SLC9A9: variants seen among roughly 807,000 people sequenced by gnomAD.
The protein encoded by SLC9A9 is sodium/hydrogen exchanger 9.
Under a neutral mutation model 77.8 loss-of-function variants are expected in SLC9A9, and 62 were observed. The observed-to-expected ratio is 0.80, with a 90% CI of 0.65 to 0.98. The LOEUF is 0.98. Among genes scored for constraint, SLC9A9 ranks in the 50% least tolerant of loss-of-function variants. SLC9A9 has a pLI of 0.00. For synonymous variants in SLC9A9, 320 were observed against 283.5 expected, an observed-to-expected ratio of 1.13 and a Z score of -1.29; for missense variants, 775 against 774.9, an observed-to-expected ratio of 1.00 and a Z score of 0.00.
intron 14 of SLC9A9, among the ~76,000 whole-genome samples, chr3:143,324,713 T>C (rs1052602955): frequency 4.6e-5 from 7 of 152,108 alleles, no homozygotes; most frequent in African/African-American, 4.8e-5. Context: ...TTCCAGCTAC[T>C]TGGGAGGCTG....
chr3:143,589,494 T>C (rs2037612882), intron 6 of SLC9A9, among the ~76,000 whole-genome samples: 1 of 152,206 alleles, frequency 6.6e-6, no homozygotes, highest in South Asian at 2.1e-4. Flanking sequence ...CATTGGGTTA[T>C]AACTGCCTAC....
At chr3:143,534,893 A>C (rs2036568490) in intron 9 of SLC9A9, among the ~76,000 whole-genome samples, 1 of 152,032 alleles carries the variant, frequency 6.6e-6, no homozygotes. Flanking sequence ...TTTAGAAAAA[A>C]CCTTAAAAAC....
intron 4 of SLC9A9, among the ~76,000 whole-genome samples, chr3:143,787,795 A>G (rs2008098065): frequency 6.6e-6 from 1 of 151,884 alleles, no homozygotes; most frequent in Non-Finnish European, 1.5e-5. Flanking sequence ...CGTAAGAAAA[A>G]TACTTAGAAA....
At position 143,523,020 on chromosome 3, in the gene SLC9A9, A is replaced by G. The variant is rs538892195; in HGVS notation, c.1090-27572T>C. Among the ~76,000 whole-genome samples the G allele has an allele frequency of 2.6e-5, 4 of 152,122 alleles. No individual in the cohort carries two copies. The East Asian group carries it at 7.7e-4, about 29-fold the overall frequency. ...TCATTTGGGTCCCAGGTCATTGCTT[A>G]TTTTCATATGGGGACTATATAACAG... On this transcript the variant is annotated intron_variant, in intron 9 of 15. Coordinates refer to ENST00000316549, the MANE Select transcript of SLC9A9 (RefSeq NM_173653.4).
chr3:143,752,088 T>G (rs1195942645), intron 4 of SLC9A9, among the ~76,000 whole-genome samples: 2 of 152,218 alleles, frequency 1.3e-5, no homozygotes, highest in African/African-American at 4.8e-5. Flanking sequence ...GTAGACTTAC[T>G]TCAAAGTGAT....
intron 12 of SLC9A9, among the ~76,000 whole-genome samples, chr3:143,391,848 T>C (rs1009161694): frequency 6.6e-6 from 1 of 152,108 alleles, no homozygotes. Flanking sequence ...AGAAAAGGTA[T>C]CAGTGATTGA....
intron 4 of SLC9A9, among the ~76,000 whole-genome samples, chr3:143,773,229 G>A (rs6782246): frequency 0.01 from 1,577 of 152,182 alleles, 22 homozygotes; most frequent in African/African-American, 0.036. Flanking sequence ...AATGTCCATG[G>A]AGTAAGTACT....
intron 4 of SLC9A9, among the ~76,000 whole-genome samples, chr3:143,734,862 ATCTAC>A (rs1934900287): frequency 6.6e-6 from 1 of 152,134 alleles, no homozygotes. Flanking sequence ...TGTTTATTCT[ATCTAC>A]TCTTCCTCTC....
chr3:143,719,804 C>T (rs1934450223), intron 4 of SLC9A9, among the ~76,000 whole-genome samples: 1 of 152,080 alleles, frequency 6.6e-6, no homozygotes, highest in Admixed American at 6.6e-5. Context: ...ATTCATCAAC[C>T]CATATGCAGA....
intron 12 of SLC9A9, among the ~76,000 whole-genome samples, chr3:143,398,406 C>G (rs775584356): frequency 8.6e-5 from 13 of 151,970 alleles, no homozygotes; most frequent in Non-Finnish European, 1.3e-4. Context: ...CACCATGAAG[C>G]GTGGAAGGCA....
chr3:143,792,825 G>A (rs71307955), intron 4 of SLC9A9, among the ~76,000 whole-genome samples: 11 of 151,940 alleles, frequency 7.2e-5, no homozygotes, highest in East Asian at 1.9e-4. Context: ...TCTGGCCTAC[G>A]TAAATTACCT....
At chr3:143,461,238 A>G (rs2035185635) in intron 12 of SLC9A9, among the ~76,000 whole-genome samples, 1 of 152,170 alleles carries the variant, frequency 6.6e-6, no homozygotes, top group Admixed American at 6.5e-5. Flanking sequence ...TTTTGTGAGC[A>G]TTTTTCTTTA....
chr3:143,311,970 TG>T (rs1324412487), intron 14 of SLC9A9, among the ~76,000 whole-genome samples: 2 of 152,266 alleles, frequency 1.3e-5, no homozygotes, highest in Non-Finnish European at 2.9e-5. Context: ...GTTAGATTTT[TG>T]TGAGATAGAA....
At chr3:143,657,277 C>T (rs2038906644) in intron 5 of SLC9A9, among the ~76,000 whole-genome samples, 1 of 152,156 alleles carries the variant, frequency 6.6e-6, no homozygotes, top group Admixed American at 6.5e-5. Flanking sequence ...TTTTAAGTTA[C>T]ACAAAACATC....
chr3:143,277,241 C>G (rs1248297169), intron 14 of SLC9A9, among the ~76,000 whole-genome samples: 1 of 152,210 alleles, frequency 6.6e-6, no homozygotes, highest in Non-Finnish European at 1.5e-5. Context: ...TTCATCTGAT[C>G]TATATCCTTG....
chr3:143,844,961 A>C (rs1201179630), intron 1 of SLC9A9, among the ~76,000 whole-genome samples: 1 of 151,966 alleles, frequency 6.6e-6, no homozygotes, highest in Admixed American at 6.6e-5. Flanking sequence ...CTTTAATGGA[A>C]AGGGGGATAG....
At chr3:143,650,875 C>T (rs2038784669) in intron 6 of SLC9A9, among the ~76,000 whole-genome samples, 3 of 152,176 alleles carry the variant, frequency 2.0e-5, no homozygotes, top group Non-Finnish European at 4.4e-5. Context: ...GGTTGGTGCT[C>T]AACAGCATCA....
intron 2 of SLC9A9, among the ~76,000 whole-genome samples, chr3:143,805,505 A>G (rs1576739886): frequency 6.6e-6 from 1 of 152,192 alleles, no homozygotes; most frequent in East Asian, 1.9e-4. Context: ...AAGCTAAGCC[A>G]TCTTATCCCC....
At chr3:143,580,869 A>G (rs1169503012) in intron 6 of SLC9A9, among the ~76,000 whole-genome samples, 1 of 152,244 alleles carries the variant, frequency 6.6e-6, no homozygotes, top group Non-Finnish European at 1.5e-5. Context: ...CTCCACAGAC[A>G]TATGCACTAG....
Sources: gnomAD v4.1 joint callset for allele counts (sites outside exome capture counted in the v4.1 genomes callset) on GRCh38, gnomAD v4.1.1 for gene constraint, MANE v1.5 for transcripts, NCBI Gene and HGNC (gene_info 2026-07-23, HGNC 2026-07-21) for gene names.